Variants in PPME1 observed in about 807,000 individuals in gnomAD.
PPME1 encodes testicular secretory protein Li 39.
In PPME1, 17 loss-of-function variants were observed where a neutral mutation model predicts 56.9. That is an observed-to-expected ratio of 0.30 (90% CI 0.20 to 0.45). PPME1 has a LOEUF of 0.45. PPME1 is among the 20% of genes least tolerant of loss of function. The pLI is 1.00. For missense variants in PPME1, 357 were observed against 483.2 expected (o/e 0.74, Z 2.45); for synonymous variants, 122 against 156.2 (o/e 0.78, Z 1.63).
chr11:74,200,834 T>G (rs1240180612), intron 1 of PPME1, among the ~76,000 whole-genome samples: 1 of 152,028 alleles, frequency 6.6e-6, no homozygotes, highest in Admixed American at 6.6e-5. Context: ...TGGAACCTGT[T>G]TTTTTGTTTA....
At chr11:74,174,016 TC>T (rs775519806) in intron 1 of PPME1, among the ~76,000 whole-genome samples, 18 of 152,324 alleles carry the variant, frequency 1.2e-4, no homozygotes, top group Non-Finnish European at 2.2e-4. Flanking sequence ...ATCTTTCTTT[TC>T]TACTTTATTG....
At chr11:74,191,790 G>A (rs541055006) in intron 1 of PPME1, among the ~76,000 whole-genome samples, 6 of 152,322 alleles carry the variant, frequency 3.9e-5, no homozygotes, top group South Asian at 2.1e-4. Flanking sequence ...CATAGAATGC[G>A]AGAGTGAGGA....
rs1410632386 is a variant in PPME1, at chr11:74,230,256, A to G, written c.410A>G (p.Asn137Ser). 1 of 1,606,074 alleles carries G rather than the reference A, an allele frequency of 6.2e-7. No individual in the cohort carries two copies. Among genetic ancestry groups the G allele is most frequent in the Non-Finnish European group, 8.5e-7 (1 of 1,177,444 alleles). The change falls in exon 6 of 14, where the codon AAT becomes AGT. Residue 137 changes from asparagine to serine, a missense_variant. By Grantham distance (46) the Asn-to-Ser change is conservative. Transcript: ENST00000328257. The surrounding 1 kb of genome is among the most constrained non-coding windows in gnomAD (Gnocchi z 4.9). ...TCTTCTCTTTGCAGAGACGTTGGCA[A>G]TGTGGTTGAAGCCATGTATGGGGAC... ...SAETMAKDVG[N>S]VVEAMYGDLP...
At chr11:74,216,133 A>G (rs759102262) in intron 3 of PPME1, among the ~76,000 whole-genome samples, 2 of 152,220 alleles carry the variant, frequency 1.3e-5, no homozygotes, top group Non-Finnish European at 2.9e-5. Flanking sequence ...TCTGCACTAT[A>G]TATCAAATGG....
rs368939661 is a variant in PPME1, at chr11:74,171,411, G to A, written c.-11G>A. The A allele has an allele frequency of 1.5e-4, 248 of 1,607,388 alleles. No homozygotes were observed. The South Asian group carries it at 1.7e-3, about 11-fold the overall frequency. The stretch of plus-strand genomic sequence containing the variant: ...CCTACTGTTTGACTACGTGCGTGCA[G>A]CCTCCCCTCGATGTCGGCCCTCGAA... On this transcript the variant is annotated 5_prime_UTR_variant, in exon 1 of 14. Transcript: ENST00000328257.
At chr11:74,232,693 T>G (rs1859097169) in intron 7 of PPME1, among the ~76,000 whole-genome samples, 1 of 150,032 alleles carries the variant, frequency 6.7e-6, no homozygotes, top group Non-Finnish European at 1.5e-5. Context: ...TTTTTTTTTT[T>G]GAGACAGGGT....
intron 5 of PPME1, among the ~76,000 whole-genome samples, chr11:74,225,812 A>C (rs1591052889): frequency 6.6e-6 from 1 of 152,194 alleles, no homozygotes; most frequent in Non-Finnish European, 1.5e-5. Flanking sequence ...ACTTGACCCT[A>C]CCCCAGACCT....
rs558691957 is a variant in PPME1 at position 74,195,875 on chromosome 11, A to G, written c.102-7853A>G. Among the ~76,000 whole-genome samples, 45 of 152,320 alleles carry G rather than the reference A, an allele frequency of 3.0e-4. No individual in the cohort carries two copies. The Middle Eastern group carries it at 0.01, about 35-fold the overall frequency. On this transcript the variant is annotated intron_variant, in intron 1 of 13. Transcript: ENST00000328257. The stretch of plus-strand genomic sequence containing the variant: ...AGCATATTAATGTCTTTTGCCTATC[A>G]AAAAGTTTTGGGAAACAGTTAGTGA...
chr11:74,224,502 G>A (rs935147211), intron 4 of PPME1, among the ~76,000 whole-genome samples: 144 of 128,962 alleles, frequency 1.1e-3, no homozygotes, highest in Admixed American at 6.1e-3. Context: ...TAGCTTGATG[G>A]GGATGGCATT....
intron 1 of PPME1, among the ~76,000 whole-genome samples, chr11:74,195,402 C>G (rs1377588109): frequency 6.6e-6 from 1 of 152,108 alleles, no homozygotes; most frequent in African/African-American, 2.4e-5. Flanking sequence ...GTCTTCTGTG[C>G]TTATTTCTTT....
intron 1 of PPME1, among the ~76,000 whole-genome samples, chr11:74,196,345 T>A (rs931718183): frequency 6.6e-6 from 1 of 152,174 alleles, no homozygotes; most frequent in African/African-American, 2.4e-5. Context: ...ATCACAGAGT[T>A]TTACTCGTTT....
At chr11:74,204,901 CA>C (rs1858286117) in intron 3 of PPME1, 1 of 154,122 alleles carries the variant, frequency 6.5e-6, no homozygotes, top group South Asian at 2.0e-4. Flanking sequence ...GCCAGGCTTG[CA>C]GAGAATTACT....
chr11:74,192,579 G>A (rs1024068839), intron 1 of PPME1, among the ~76,000 whole-genome samples: 3 of 152,134 alleles, frequency 2.0e-5, no homozygotes, highest in East Asian at 3.9e-4. Context: ...TCCAAATCTC[G>A]TGTTGAAATG....
At chr11:74,179,052 A>G (rs1358607865) in intron 1 of PPME1, among the ~76,000 whole-genome samples, 1 of 152,218 alleles carries the variant, frequency 6.6e-6, no homozygotes, top group Admixed American at 6.5e-5. Flanking sequence ...TGAATAAGAG[A>G]TTATATTGAA....
rs539713374 is a variant in PPME1, at chr11:74,184,620, A to G, written c.101+13098A>G. Among the ~76,000 whole-genome samples, 5 of 152,338 alleles carry G rather than the reference A, an allele frequency of 3.3e-5. No homozygotes were observed. The East Asian group carries it at 7.7e-4, about 23-fold the overall frequency. On this transcript the variant is annotated intron_variant, in intron 1 of 13. Coordinates refer to ENST00000328257, the MANE Select transcript of PPME1 (RefSeq NM_016147.3). The stretch of plus-strand genomic sequence containing the variant: ...TGATTTAACAAAATCTTCACGCCAG[A>G]TATCATCCTTGTGAATCCTTTTCCC...
chr11:74,211,711 C>G (rs1056921376), intron 3 of PPME1, among the ~76,000 whole-genome samples: 1 of 151,828 alleles, frequency 6.6e-6, no homozygotes, highest in Non-Finnish European at 1.5e-5. Context: ...GCAAAACAAA[C>G]TATAGGCAAA....
At chr11:74,206,220 T>C (rs1347660803) in intron 3 of PPME1, among the ~76,000 whole-genome samples, 1 of 152,222 alleles carries the variant, frequency 6.6e-6, no homozygotes, top group African/African-American at 2.4e-5. Context: ...TGTATGTATT[T>C]ATTTTTTAAG....
intron 3 of PPME1, among the ~76,000 whole-genome samples, chr11:74,219,974 G>A (rs955681863): frequency 6.6e-6 from 1 of 152,112 alleles, no homozygotes; most frequent in Non-Finnish European, 1.5e-5. Flanking sequence ...TTTGCCCGAT[G>A]TGATGGTTAT....
chr11:74,250,217 T>A (rs1364755841), intron 11 of PPME1: 2 of 152,180 alleles, frequency 1.3e-5, no homozygotes, highest in Non-Finnish European at 2.9e-5. Context: ...TCTCTACTTA[T>A]GGGGGCTCTG....
Sources: allele counts gnomAD v4.1 joint callset (sites outside exome capture counted in the v4.1 genomes callset), GRCh38; gene constraint gnomAD v4.1.1; non-coding constraint Gnocchi (gnomAD v3.1); transcripts MANE v1.5; gene names NCBI Gene and HGNC (gene_info 2026-07-23, HGNC 2026-07-21).